Variants in PRRC1 observed in about 807,000 individuals in gnomAD.
PRRC1 encodes the protein proline rich coiled-coil 1.
A neutral mutation model predicts 40.7 loss-of-function variants in PRRC1; 39 were observed. That is an observed-to-expected ratio of 0.96 (90% confidence interval 0.74 to 1.25). PRRC1 has a LOEUF of 1.25. Ranked by LOEUF, PRRC1 falls within the 50% of genes most tolerant of loss-of-function variation. The pLI, the probability that PRRC1 is intolerant of heterozygous loss-of-function variation, is 0.00. For synonymous variants in PRRC1, 175 were observed against 193.3 expected (o/e 0.91, Z 0.79); for missense variants, 573 against 548.3 (o/e 1.05, Z -0.45).
At chr5:127,532,019 C>T (rs959492805) in intron 5 of PRRC1, among the ~76,000 whole-genome samples, 2 of 151,954 alleles carry the variant, frequency 1.3e-5, no homozygotes, top group Non-Finnish European at 2.9e-5. Context: ...GTAATAAAAT[C>T]GAATTTAAGA....
At chr5:127,531,617 C>CTTCTTTTT (rs1268819647) in intron 5 of PRRC1, among the ~76,000 whole-genome samples, 2 of 99,644 alleles carry the variant, frequency 2.0e-5, no homozygotes, top group African/African-American at 9.3e-5. Context: ...TCTTCTTCTT[C>CTTCTTTTT]TTTTTTTTTT....
At chr5:127,526,833 T>A (rs1228709790) in intron 4 of PRRC1, 55 bp downstream of exon 4, 1 of 1,340,876 alleles carries the variant, frequency 7.5e-7, no homozygotes, top group African/African-American at 1.5e-5. Flanking sequence ...CTAATAGATA[T>A]TCATTAGAGA....
chr5:127,544,408 A>G (rs1053063991), intron 7 of PRRC1, among the ~76,000 whole-genome samples: 5 of 152,328 alleles, frequency 3.3e-5, no homozygotes, highest in African/African-American at 1.2e-4. Context: ...CTCTCTTCAA[A>G]GCTGTCAGAC....
rs1216786096 is a variant in PRRC1 at position 127,524,749 on chromosome 5, T to C, written c.322T>C (p.Ser108Pro). Residue 108 changes from serine to proline, a missense_variant, in exon 3 of 9, where the codon TCT (serine) becomes CCT (proline). Ser to Pro is a moderately conservative substitution (Grantham distance 74, BLOSUM62 -1). Coordinates refer to ENST00000296666, the MANE Select transcript of PRRC1 (RefSeq NM_130809.5). ...TAAAFGNPPV[S>P]HFPPSTSAPN... The stretch of plus-strand genomic sequence containing the variant: ...TGCTGCCTTCGGTAATCCTCCTGTA[T>C]CTCACTTCCCACCTTCAACTTCTGC... 1 of 1,614,172 alleles carries C rather than the reference T, an allele frequency of 6.2e-7. No individual in the cohort carries two copies. The highest frequency in any genetic ancestry group is 1.1e-5 in the South Asian group (1 of 91,074).
At position 127,554,348 on chromosome 5, in the gene PRRC1, C is replaced by T. The variant is rs1768471832; in HGVS notation, c.*2432C>T. 1 of 152,470 alleles carries T rather than the reference C, an allele frequency of 6.6e-6. No homozygotes were observed. Among genetic ancestry groups the T allele is most frequent in the African/African-American group, 2.4e-5 (1 of 41,444 alleles). 9.4% of individuals were successfully genotyped at this position (152,470 alleles called of 1,614,324 possible). A position where few individuals can be genotyped will look rare whatever the true frequency, so the allele number is the denominator to read the frequency against. On this transcript the variant is annotated 3_prime_UTR_variant, in exon 9 of 9. Transcript: ENST00000296666. ...AAAAGCCATCTTTAATATAGTTCTT[C>T]ACCACTGTTGGGGTTGTTTTGTGAT...
rs553965099 is a variant in PRRC1, at chr5:127,540,595, T to G, written c.1025+1452T>G. 8.5e-5 allele frequency among the ~76,000 whole-genome samples: 13 copies of G among 152,292 alleles called. No homozygotes were observed. In the South Asian group the frequency reaches 1.2e-3, roughly 15 times the overall value. On this transcript the variant is annotated intron_variant, in intron 7 of 8. Coordinates refer to ENST00000296666, the MANE Select transcript of PRRC1 (RefSeq NM_130809.5). ...CCAATTCTCTCAGCTTTTGTTTATC[T>G]GAAAGTGCTTTAATTCACCTTTATT...
chr5:127,553,284 C>A lies in PRRC1; in HGVS notation c.*1368C>A. On this transcript the variant is annotated 3_prime_UTR_variant, in exon 9 of 9. Coordinates refer to ENST00000296666, the MANE Select transcript of PRRC1 (RefSeq NM_130809.5). The stretch of plus-strand genomic sequence containing the variant: ...GCCACTTCAAGTCATTATTTGGTTT[C>A]TGCTATTTTTTTACCTGAGGATAAG... 1 of 986,724 alleles carries A rather than the reference C, an allele frequency of 1.0e-6. No individual in the cohort carries two copies. The highest frequency in any genetic ancestry group is 4.7e-5 in the South Asian group (1 of 21,334). The allele number at this position is 986,724 out of a possible 1,614,324, so 61.1% of individuals were successfully genotyped here.
At chr5:127,546,652 A>G (rs1349339130) in intron 7 of PRRC1, among the ~76,000 whole-genome samples, 1 of 152,212 alleles carries the variant, frequency 6.6e-6, no homozygotes, top group Non-Finnish European at 1.5e-5. Flanking sequence ...CACTGGCATC[A>G]TAGAAAAAAC....
chr5:127,528,925 T>C (rs914938743), intron 4 of PRRC1, among the ~76,000 whole-genome samples: 10 of 152,202 alleles, frequency 6.6e-5, no homozygotes, highest in Non-Finnish European at 1.2e-4. Flanking sequence ...CACTGCTGTT[T>C]CCCTGTTCTT....
intron 8 of PRRC1, chr5:127,550,783 T>A (rs1265068474): frequency 1.3e-5 from 2 of 152,220 alleles, no homozygotes; most frequent in Non-Finnish European, 2.9e-5. Context: ...ATACTGATAC[T>A]GTAGTATACA....
chr5:127,553,243 T>A lies in PRRC1; in HGVS notation c.*1327T>A. 1.0e-6 allele frequency: 1 copy of A among 986,358 alleles called. No individual in the cohort carries two copies. The highest frequency in any genetic ancestry group is 4.7e-5 in the South Asian group (1 of 21,342). 61.1% of individuals were successfully genotyped at this position (986,358 alleles called of 1,614,324 possible). On this transcript the variant is annotated 3_prime_UTR_variant, in exon 9 of 9. Transcript: ENST00000296666. ...GTCTTTAGGTATCATAGGTATCAGG[T>A]TTGCTTTGTGTTAATGCCACTTCAA...
chr5:127,529,115 T>G (rs1268202277), intron 4 of PRRC1, among the ~76,000 whole-genome samples: 4 of 152,132 alleles, frequency 2.6e-5, no homozygotes, highest in Non-Finnish European at 5.9e-5. Context: ...TTCTTTTAAA[T>G]TTTTCTTTAC....
chr5:127,533,300 A>G (rs1036426632), intron 5 of PRRC1, among the ~76,000 whole-genome samples: 1 of 152,170 alleles, frequency 6.6e-6, no homozygotes, highest in Admixed American at 6.5e-5. Context: ...ACTTACTATC[A>G]GTAAGTCTTT....
At position 127,526,592 on chromosome 5, in the gene PRRC1, A is replaced by G. The variant is rs368482870; in HGVS notation, c.494-26A>G. Reference sequence around the variant, plus strand: ...AAAAAGTTTATGGAATAAATTATACATATGAAAATTTTTGCCATTGATTAG... The same window carrying G: ...AAAAAGTTTATGGAATAAATTATACGTATGAAAATTTTTGCCATTGATTAG... On this transcript the variant is annotated intron_variant, in intron 3 of 8. Coordinates refer to ENST00000296666, the MANE Select transcript of PRRC1 (RefSeq NM_130809.5). The G allele has an allele frequency of 5.4e-5, 86 of 1,580,318 alleles. No individual in the cohort carries two copies. In the African/African-American group the frequency reaches 6.1e-4, roughly 11 times the overall value.
chr5:127,527,752 T>C (rs75509449), intron 4 of PRRC1, among the ~76,000 whole-genome samples: 1 of 121,510 alleles, frequency 8.2e-6, no homozygotes, highest in Non-Finnish European at 1.6e-5. Context: ...AGTGAGACAC[T>C]GTCTCAAAAA....
At chr5:127,531,614 CTTCTTTTT>C (rs1198588055) in intron 5 of PRRC1, among the ~76,000 whole-genome samples, 1 of 84,182 alleles carries the variant, frequency 1.2e-5, no homozygotes, top group Non-Finnish European at 2.1e-5. Context: ...TATTCTTCTT[CTTCTTTTT>C]TTTTTTTTTT....
intron 7 of PRRC1, among the ~76,000 whole-genome samples, chr5:127,545,014 G>T (rs1768173823): frequency 6.6e-6 from 1 of 152,174 alleles, no homozygotes; most frequent in African/African-American, 2.4e-5. Context: ...TTCCTATTCG[G>T]CCATCTTGGC....
chr5:127,537,592 G>T (rs1297886224), intron 6 of PRRC1, among the ~76,000 whole-genome samples: 1 of 151,864 alleles, frequency 6.6e-6, no homozygotes, highest in East Asian at 1.9e-4. Context: ...CTGTGCTGTA[G>T]GATAGTGAAA....
intron 6 of PRRC1, 162 bp downstream of exon 6, chr5:127,533,948 T>C: frequency 1.3e-6 from 1 of 748,774 alleles, no homozygotes; most frequent in Non-Finnish European, 2.3e-6. Context: ...GAAGATATAG[T>C]GGAGTTTTAA....
Sources: gnomAD v4.1 joint callset for allele counts (sites outside exome capture counted in the v4.1 genomes callset) on GRCh38, gnomAD v4.1.1 for gene constraint, MANE v1.5 for transcripts, NCBI Gene and HGNC (gene_info 2026-07-23, HGNC 2026-07-21) for gene names.